Variants in PARD3B observed in about 807,000 individuals in gnomAD.
The protein encoded by PARD3B is par-3 family cell polarity regulator beta.
A neutral mutation model predicts 130.2 loss-of-function variants in PARD3B; 103 were observed. That is an observed-to-expected ratio of 0.79 (90% CI 0.67 to 0.93). PARD3B has a LOEUF of 0.93. PARD3B is among the 40% of genes least tolerant of loss of function. The pLI is 0.00. For synonymous variants in PARD3B, 583 were observed against 553.2 expected, an observed-to-expected ratio of 1.05 and a Z score of -0.76; for missense variants, 1,609 against 1,499.2, an observed-to-expected ratio of 1.07 and a Z score of -1.21.
chr2:205,067,265 A>T (rs1700452503), intron 4 of PARD3B, among the ~76,000 whole-genome samples: 2 of 151,868 alleles, frequency 1.3e-5, no homozygotes, highest in African/African-American at 4.8e-5. Flanking sequence ...CCTGGGTCCA[A>T]GCAGTCCTGC....
intron 2 of PARD3B, among the ~76,000 whole-genome samples, chr2:204,758,454 G>A (rs1230260608): frequency 6.6e-6 from 1 of 152,150 alleles, no homozygotes; most frequent in Non-Finnish European, 1.5e-5. Context: ...AATGGGACAA[G>A]TTCACACTGT....
At chr2:205,236,171 A>C (rs966363219) in intron 15 of PARD3B, among the ~76,000 whole-genome samples, 2 of 152,238 alleles carry the variant, frequency 1.3e-5, no homozygotes, top group African/African-American at 4.8e-5. Context: ...GAAACCTTGT[A>C]GATATTAAAG....
At chr2:204,696,112 T>C (rs2125264779) in intron 2 of PARD3B, among the ~76,000 whole-genome samples, 1 of 152,006 alleles carries the variant, frequency 6.6e-6, no homozygotes, top group South Asian at 2.1e-4. Flanking sequence ...GCGGGTTCTA[T>C]AAAATGGGAG....
At chr2:204,627,629 A>G (rs1438073488) in intron 1 of PARD3B, among the ~76,000 whole-genome samples, 2 of 152,120 alleles carry the variant, frequency 1.3e-5, no homozygotes, top group African/African-American at 4.8e-5. Context: ...ACTAAGCTTA[A>G]TGTTTTTGAG....
chr2:205,095,118 G>T (rs1463658066), intron 4 of PARD3B, among the ~76,000 whole-genome samples: 3 of 152,126 alleles, frequency 2.0e-5, no homozygotes, highest in South Asian at 4.1e-4. Context: ...AGCAGACCTT[G>T]TGGAAATTGC....
chr2:204,553,240 C>G (rs1489265244), intron 1 of PARD3B, among the ~76,000 whole-genome samples: 2 of 151,908 alleles, frequency 1.3e-5, no homozygotes, highest in Non-Finnish European at 1.5e-5. Flanking sequence ...TGGCCATCAT[C>G]AAAAAATTTT....
At chr2:204,636,645 C>T (rs2034890956) in intron 1 of PARD3B, among the ~76,000 whole-genome samples, 1 of 152,120 alleles carries the variant, frequency 6.6e-6, no homozygotes, top group African/African-American at 2.4e-5. Context: ...GTTTTAGTTA[C>T]CCTCCTGCCA....
At chr2:205,186,065 G>A (rs193269719) in intron 14 of PARD3B, among the ~76,000 whole-genome samples, 1 of 151,942 alleles carries the variant, frequency 6.6e-6, no homozygotes, top group Admixed American at 6.6e-5. Flanking sequence ...TTGCTTCCTG[G>A]TATTTGTTAA....
chr2:205,107,990 C>T (rs1703347031), intron 5 of PARD3B, among the ~76,000 whole-genome samples: 1 of 152,158 alleles, frequency 6.6e-6, no homozygotes, highest in Non-Finnish European at 1.5e-5. Flanking sequence ...ACAGATAAGC[C>T]TTCTTCCAGA....
chr2:205,120,950 A>G (rs888536689), intron 7 of PARD3B, among the ~76,000 whole-genome samples: 1 of 152,244 alleles, frequency 6.6e-6, no homozygotes, highest in Non-Finnish European at 1.5e-5. Context: ...GGAAGAACAC[A>G]AAGTGTTAGG....
chr2:205,195,008 G>A (rs1194750670), intron 15 of PARD3B, among the ~76,000 whole-genome samples: 3 of 144,684 alleles, frequency 2.1e-5, no homozygotes, highest in Non-Finnish European at 4.5e-5. Context: ...CATGTTGGCC[G>A]GGGTGTTCTC....
chr2:205,345,250 A>G (rs1398718169), intron 18 of PARD3B, among the ~76,000 whole-genome samples: 1 of 152,204 alleles, frequency 6.6e-6, no homozygotes, highest in Non-Finnish European at 1.5e-5. Context: ...CGAAGTGGAC[A>G]GCCTTGGGGA....
At chr2:204,699,289 G>C (rs941445886) in intron 2 of PARD3B, among the ~76,000 whole-genome samples, 1 of 152,050 alleles carries the variant, frequency 6.6e-6, no homozygotes, top group Non-Finnish European at 1.5e-5. Context: ...GGTTGCTTAC[G>C]CTTGGACACT....
At chr2:205,387,056 C>T (rs748013506) in intron 18 of PARD3B, among the ~76,000 whole-genome samples, 1 of 152,082 alleles carries the variant, frequency 6.6e-6, no homozygotes, top group Non-Finnish European at 1.5e-5. Flanking sequence ...TGCATAAAGT[C>T]AGTCAGTATA....
At chr2:205,056,079 A>C (rs1699613222) in intron 4 of PARD3B, among the ~76,000 whole-genome samples, 1 of 152,126 alleles carries the variant, frequency 6.6e-6, no homozygotes, top group Non-Finnish European at 1.5e-5. Context: ...GTAAAGACTG[A>C]TGACATAGGA....
At chr2:204,565,518 A>T (rs774170699) in intron 1 of PARD3B, among the ~76,000 whole-genome samples, 5 of 152,236 alleles carry the variant, frequency 3.3e-5, no homozygotes, top group East Asian at 3.8e-4. Flanking sequence ...ATATTTCATT[A>T]TATAATATCA....
intron 12 of PARD3B, among the ~76,000 whole-genome samples, 179 bp downstream of exon 12, chr2:205,172,560 T>C (rs542829966): frequency 6.6e-6 from 1 of 152,362 alleles, no homozygotes; most frequent in East Asian, 1.9e-4. Context: ...AATGTGCATA[T>C]AAAGTAAGTC....
At chr2:205,103,187 CATTTT>C (rs1157037840) in intron 4 of PARD3B, among the ~76,000 whole-genome samples, 3 of 132,322 alleles carry the variant, frequency 2.3e-5, no homozygotes, top group African/African-American at 5.6e-5. Context: ...GTAAAGTAAA[CATTTT>C]ATATTTATGT....
chr2:205,118,983 T>G lies in PARD3B; in HGVS notation c.743T>G (p.Phe248Cys). ...AGCAGGTCCAAGCGGGAGGGACTAT[T>G]TCACGAAAATGAATGTATTGTAAAA... ...DNSRSKREGL[F>C]HENECIVKIN... Residue 248 changes from phenylalanine (F) to cysteine (C), a missense_variant, in exon 7 of 23, where the codon TTT becomes TGT. Transcript: ENST00000406610. The G allele has an allele frequency of 6.2e-7, 1 of 1,612,854 alleles. No individual in the cohort carries two copies. The highest frequency in any genetic ancestry group is 1.7e-4 in the Middle Eastern group (1 of 6,060).
Sources: gnomAD v4.1 joint callset for allele counts (sites outside exome capture counted in the v4.1 genomes callset) on GRCh38, gnomAD v4.1.1 for gene constraint, MANE v1.5 for transcripts, NCBI Gene and HGNC (gene_info 2026-07-23, HGNC 2026-07-21) for gene names.